Variants in SORL1 observed in about 807,000 individuals in gnomAD.
SORL1 encodes the protein sortilin-related receptor.
A neutral mutation model predicts 273.7 loss-of-function variants in SORL1; 127 were observed. That is an observed-to-expected ratio of 0.46 (90% CI 0.40 to 0.54). The LOEUF (loss-of-function observed/expected upper bound fraction) is 0.54. SORL1 is among the 20% of genes least tolerant of loss of function. The pLI is 0.00. For missense variants in SORL1, 2,494 were observed against 2,846.1 expected, an observed-to-expected ratio of 0.88 and a Z score of 2.81; for synonymous variants, 1,031 against 1,067.4, an observed-to-expected ratio of 0.97 and a Z score of 0.66.
rs1863556818 is a variant in SORL1 at position 121,611,096 on chromosome 11, C to A, written c.5260C>A (p.His1754Asn). ...KGKVIPPPDIHIDSYGENYLS... is the reference protein window; with the variant it reads ...KGKVIPPPDINIDSYGENYLS... ...TTCAGTGATCCCACCACCAGATATC[C>A]ACATTGACAGCTATGGTGAAAATTA... The change falls in exon 39 of 48, where the codon CAC (histidine) becomes AAC (asparagine). Residue 1754 changes from histidine (H) to asparagine (N), a missense_variant. His to Asn is a moderately conservative substitution (Grantham distance 68, BLOSUM62 1). Coordinates refer to ENST00000260197, the MANE Select transcript of SORL1 (RefSeq NM_003105.6). 6.2e-7 allele frequency: 1 copy of A among 1,613,144 alleles called. No homozygotes were observed.
rs1862277225 is a variant in SORL1 at position 121,537,050 on chromosome 11, G to A, written c.1685+4498G>A. 2.0e-5 allele frequency among the ~76,000 whole-genome samples: 3 copies of A among 152,288 alleles called. No individual in the cohort carries two copies. In the South Asian group the frequency reaches 6.2e-4, roughly 32 times the overall value. ...CCTAAAAGGATACAAAGCAAGGTCG[G>A]AATGCTTTTCCAGGTCTAGAGAGAC... On this transcript the variant is annotated intron_variant, in intron 12 of 47. Transcript: ENST00000260197.
intron 8 of SORL1, 90 bp downstream of exon 8, chr11:121,514,411 C>A: frequency 1.5e-6 from 2 of 1,294,666 alleles, no homozygotes; most frequent in South Asian, 1.5e-5. Flanking sequence ...CATTAGCTGC[C>A]CATGTGGATA....
chr11:121,452,929 A>T lies in SORL1; in HGVS notation c.285+313A>T. The T allele has an allele frequency of 3.3e-6, 1 of 303,798 alleles. No individual in the cohort carries two copies. Among genetic ancestry groups the T allele is most frequent in the South Asian group, 1.3e-4 (1 of 7,590 alleles). The allele number at this position is 303,798 out of a possible 1,614,324, so 18.8% of individuals were successfully genotyped here. On this transcript the variant is annotated intron_variant, in intron 1 of 47. Coordinates refer to ENST00000260197, the MANE Select transcript of SORL1 (RefSeq NM_003105.6). This position sits in a 1 kb window ranked among gnomAD's most constrained non-coding sequence, Gnocchi z 5.3. ...GTGCAGCTTCATTTTACATCTGGATAAAAAACGGGCTTTCTTTAGTGTATC... is the reference window on the plus strand; with the variant it reads ...GTGCAGCTTCATTTTACATCTGGATTAAAAACGGGCTTTCTTTAGTGTATC...
At chr11:121,590,774 T>C in intron 30 of SORL1, 1 of 744,746 alleles carries the variant, frequency 1.3e-6, no homozygotes, top group East Asian at 2.5e-5. Flanking sequence ...CGAAATCAAA[T>C]ATAGTAAGGG....
intron 3 of SORL1, among the ~76,000 whole-genome samples, chr11:121,479,059 G>A (rs887219760): frequency 2.6e-5 from 4 of 152,072 alleles, no homozygotes; most frequent in Non-Finnish European, 5.9e-5. Flanking sequence ...TCTGTCCCCC[G>A]GCCTCTGAAC....
intron 8 of SORL1, among the ~76,000 whole-genome samples, chr11:121,518,214 C>T (rs542881172): frequency 2.0e-5 from 3 of 152,188 alleles, no homozygotes; most frequent in African/African-American, 2.4e-5. Flanking sequence ...CTATAGGGGA[C>T]CTGGTGAGCT....
intron 39 of SORL1, 127 bp from the exon 40 acceptor site, chr11:121,612,609 C>T: frequency 1.5e-6 from 1 of 653,268 alleles, no homozygotes; most frequent in Non-Finnish European, 2.7e-6. Context: ...AAAAAACAAC[C>T]TGTTCACTGT....
chr11:121,466,849 A>G (rs1245252545), intron 1 of SORL1, among the ~76,000 whole-genome samples: 1 of 152,066 alleles, frequency 6.6e-6, no homozygotes, highest in Non-Finnish European at 1.5e-5. Flanking sequence ...TGGCCCTCGT[A>G]CAAGTCATTT....
rs1414591072 is a variant in SORL1, at chr11:121,522,714, T to C, written c.1522+11T>C. ...TCATCATCGCCACTGGTAAGTGTGCTTGCCTGTTCTCAAAAGGGGTTCAGC... is the reference window on the plus strand; with the variant it reads ...TCATCATCGCCACTGGTAAGTGTGCCTGCCTGTTCTCAAAAGGGGTTCAGC... On this transcript the variant is annotated intron_variant, in intron 10 of 47. Transcript: ENST00000260197. 1 of 1,600,750 alleles carries C rather than the reference T, an allele frequency of 6.2e-7. No individual in the cohort carries two copies. Among genetic ancestry groups the C allele is most frequent in the East Asian group, 2.2e-5 (1 of 44,810 alleles).
intron 3 of SORL1, among the ~76,000 whole-genome samples, chr11:121,479,031 C>T (rs1045037395): frequency 2.6e-5 from 4 of 151,576 alleles, no homozygotes; most frequent in Admixed American, 6.6e-5. Flanking sequence ...TACCTGCGTG[C>T]GTGTGTTGGT....
At chr11:121,457,336 G>C (rs1223291685) in intron 1 of SORL1, among the ~76,000 whole-genome samples, 4 of 152,176 alleles carry the variant, frequency 2.6e-5, no homozygotes, top group Non-Finnish European at 5.9e-5. Flanking sequence ...AGCGTATGTG[G>C]TAACAAATTT....
rs567225480 is a variant in SORL1, at chr11:121,523,037, G to A, written c.1596+48G>A. The A allele has an allele frequency of 1.0e-5, 13 of 1,239,554 alleles. No homozygotes were observed. In the South Asian group the frequency reaches 1.4e-4, roughly 14 times the overall value. 76.8% of individuals were successfully genotyped at this position (1,239,554 alleles called of 1,614,324 possible). The stretch of plus-strand genomic sequence containing the variant: ...GTCCCCTCCACCCTCATTCCCATTT[G>A]TGTGAGAATGTAGACTGTGCCTTGG... On this transcript the variant is annotated intron_variant, in intron 11 of 47. Transcript: ENST00000260197.
At chr11:121,584,944 A>G (rs1863072531) in intron 26 of SORL1, among the ~76,000 whole-genome samples, 1 of 152,196 alleles carries the variant, frequency 6.6e-6, no homozygotes, top group South Asian at 2.1e-4. Flanking sequence ...GCTCAGGAGA[A>G]AGGGTGACCT....
intron 45 of SORL1, among the ~76,000 whole-genome samples, chr11:121,624,118 C>A (rs1863761175): frequency 6.6e-6 from 1 of 152,188 alleles, no homozygotes; most frequent in Non-Finnish European, 1.5e-5. Context: ...ACCCATGATC[C>A]AGTGATCTCT....
At chr11:121,460,646 T>C (rs921245822) in intron 1 of SORL1, among the ~76,000 whole-genome samples, 19 of 152,122 alleles carry the variant, frequency 1.2e-4, no homozygotes, top group Non-Finnish European at 1.0e-4. Context: ...TTCACCCACC[T>C]TGGCCTCCCA....
rs768011363 is a variant in SORL1 at position 121,555,190 on chromosome 11, C to T, written c.2443C>T (p.Leu815Phe). ...SDLALDVIQR[L>F]CLNGSTGQEV... ...ATTATTACTTTTCTCTCTTAAGCGCCTCTGTTTGAATGGAAGCACAGGGCA... is the reference window on the plus strand; with the variant it reads ...ATTATTACTTTTCTCTCTTAAGCGCTTCTGTTTGAATGGAAGCACAGGGCA... Residue 815 changes from leucine to phenylalanine, a missense_variant, in exon 18 of 48, where the codon CTC becomes TTC. Physicochemically the swap from Leu to Phe is conservative, Grantham distance 22 (BLOSUM62 0). Transcript: ENST00000260197. The T allele has an allele frequency of 1.8e-5, 29 of 1,612,876 alleles. No homozygotes were observed. Among genetic ancestry groups the T allele is most frequent in the Non-Finnish European group, 2.5e-5 (29 of 1,179,326 alleles).
rs750980039 is a variant in SORL1, at chr11:121,620,403, C to A, written c.5889+486C>A. On this transcript the variant is annotated intron_variant, in intron 43 of 47. Coordinates refer to ENST00000260197, the MANE Select transcript of SORL1 (RefSeq NM_003105.6). ...GGACCCTTACAAAAAGTTTCTGACC[C>A]CTCTTTAAAAGGAGCATTGATCCTA... Among the ~76,000 whole-genome samples, 18 of 152,152 alleles carry A rather than the reference C, an allele frequency of 1.2e-4. 1 individual carries two copies. Among genetic ancestry groups the A allele is most frequent in the African/African-American group, 4.3e-4 (18 of 41,424 alleles).
At chr11:121,593,789 G>A (rs1032025318) in intron 31 of SORL1, among the ~76,000 whole-genome samples, 2 of 152,164 alleles carry the variant, frequency 1.3e-5, no homozygotes, top group South Asian at 2.1e-4. Context: ...CTTTTAGGAC[G>A]TTGCACCATC....
Position 121,595,390 on chromosome 11 carries a change from C to T in SORL1, c.4370-233C>T, listed in dbSNP as rs550705372. ...TCCCAAATCTCATTATCCATGTCCT[C>T]GTGGATTTAGGTCTTTGAAAACAAT... On this transcript the variant is annotated intron_variant, in intron 31 of 47. Transcript: ENST00000260197. The surrounding 1 kb of genome is among the most constrained non-coding windows in gnomAD (Gnocchi z 5.1). 3.4e-4 allele frequency among the ~76,000 whole-genome samples: 51 copies of T among 152,218 alleles called. No individual in the cohort carries two copies. Among genetic ancestry groups the T allele is most frequent in the African/African-American group, 1.1e-3 (46 of 41,534 alleles).
Sources: allele counts gnomAD v4.1 joint callset (sites outside exome capture counted in the v4.1 genomes callset), GRCh38; gene constraint gnomAD v4.1.1; non-coding constraint Gnocchi (gnomAD v3.1); transcripts MANE v1.5; gene names NCBI Gene and HGNC (gene_info 2026-07-23, HGNC 2026-07-21).